CREBBP: variants seen among roughly 807,000 people sequenced by gnomAD.
CREBBP encodes CREB-binding protein.
Under a neutral mutation model 265.0 loss-of-function variants are expected in CREBBP, and 19 were observed. That is an observed-to-expected ratio of 0.07 (90% CI 0.05 to 0.11). The LOEUF (loss-of-function observed/expected upper bound fraction) is 0.11, where lower values mean the gene tolerates loss of function less well. Among genes scored for constraint, CREBBP ranks in the 10% least tolerant of loss-of-function variants. The pLI is 1.00. For missense variants in CREBBP, 2,525 were observed against 3,219.0 expected, an observed-to-expected ratio of 0.78 and a Z score of 5.22; for synonymous variants, 1,457 against 1,223.7, an observed-to-expected ratio of 1.19 and a Z score of -3.98.
At chr16:3,756,000 A>T (rs1235701420) in intron 19 of CREBBP, among the ~76,000 whole-genome samples, 1 of 152,152 alleles carries the variant, frequency 6.6e-6, no homozygotes, top group East Asian at 1.9e-4. Context: ...TTTTGATGGG[A>T]GTTATTACTT....
At position 3,849,442 on chromosome 16, in the gene CREBBP, T is replaced by TGTGTGTGTGTG. The variant is rs2054764284; in HGVS notation, c.798+844_798+854dup. Among the ~76,000 whole-genome samples, 71 of 18,702 alleles carry TGTGTGTGTGTG rather than the reference T, an allele frequency of 3.8e-3. 4 individuals carry two copies. The highest frequency in any genetic ancestry group is 0.013 in the East Asian group (3 of 226). 12.3% of individuals were successfully genotyped at this position (18,702 alleles called of 152,430 possible). On this transcript the variant is annotated intron_variant, in intron 2 of 30. Coordinates refer to ENST00000262367, the MANE Select transcript of CREBBP (RefSeq NM_004380.3). ...GTGTGTGTGTGTGTGTGTGTGTGTGTGTGTGTGTGTGTGTGTGTGTGTGTG... is the reference window on the plus strand; with the variant it reads ...GTGTGTGTGTGTGTGTGTGTGTGTGTGTGTGTGTGTGGTGTGTGTGTGTGTGTGTGTGTGTG...
intron 26 of CREBBP, among the ~76,000 whole-genome samples, chr16:3,737,357 A>T (rs1163652227): frequency 1.3e-5 from 2 of 152,118 alleles, no homozygotes; most frequent in Admixed American, 6.5e-5. Flanking sequence ...CAAAGGATTC[A>T]CAAAAGACAA....
rs2151299146 is a variant in CREBBP at position 3,727,930 on chromosome 16, G to A, written c.7117C>T (p.Pro2373Ser). The change falls in exon 31 of 31, where the codon CCA (proline) becomes TCA (serine). Residue 2373 changes from proline (P) to serine (S), a missense_variant. This residue lies in a region of CREBBP where 473 missense variants were observed against 459.3 expected (regional missense o/e 1.03). Coordinates refer to ENST00000262367, the MANE Select transcript of CREBBP (RefSeq NM_004380.3). Reference sequence around the variant, plus strand: ...CCAGTCTGGGGTGAGACGTGGTGTGGCGAAGGCTGGGGCTGTATCCGTGGT... The same window carrying A: ...CCAGTCTGGGGTGAGACGTGGTGTGACGAAGGCTGGGGCTGTATCCGTGGT... Reference protein sequence around the residue: ...PSPRIQPQPSPHHVSPQTGSP... With the variant: ...PSPRIQPQPSSHHVSPQTGSP... The A allele has an allele frequency of 3.1e-6, 5 of 1,609,842 alleles. No individual in the cohort carries two copies. Among genetic ancestry groups the A allele is most frequent in the Non-Finnish European group, 4.2e-6 (5 of 1,177,148 alleles).
intron 16 of CREBBP, among the ~76,000 whole-genome samples, chr16:3,761,933 T>C (rs1355981189): frequency 6.6e-6 from 1 of 152,244 alleles, no homozygotes; most frequent in Non-Finnish European, 1.5e-5. Flanking sequence ...AGAGGCCAAA[T>C]GTGGCCAGCT....
chr16:3,825,850 G>A (rs1320606015), intron 2 of CREBBP, among the ~76,000 whole-genome samples: 1 of 152,158 alleles, frequency 6.6e-6, no homozygotes, highest in African/African-American at 2.4e-5. Flanking sequence ...AAAATACAAG[G>A]AAGAATTCAT....
At chr16:3,738,984 C>T (rs1458282126) in intron 25 of CREBBP, among the ~76,000 whole-genome samples, 1 of 152,142 alleles carries the variant, frequency 6.6e-6, no homozygotes, top group African/African-American at 2.4e-5. Flanking sequence ...GTCCAGTTAT[C>T]CTCCCACCTC....
rs769426348 is a variant in CREBBP at position 3,729,838 on chromosome 16, T to A, written c.5209A>T (p.Ser1737Cys). ...CACTTCACCATCTTATGGGCATGGC[T>A]CTTCGTGTTATAGCAGTTGATGCAG... Reference protein sequence around the residue: ...DLCINCYNTKSHAHKMVKWGL... With the variant: ...DLCINCYNTKCHAHKMVKWGL... Residue 1737 changes from serine (S) to cysteine (C), a missense_variant, in exon 31 of 31, where the codon AGC (serine) becomes TGC (cysteine). By Grantham distance (112) the Ser-to-Cys change is moderately radical (BLOSUM62 -1). Transcript: ENST00000262367. The A allele has an allele frequency of 1.2e-6, 2 of 1,603,902 alleles. No homozygotes were observed. Among genetic ancestry groups the A allele is most frequent in the South Asian group, 1.1e-5 (1 of 91,082 alleles).
intron 2 of CREBBP, among the ~76,000 whole-genome samples, chr16:3,823,809 C>A (rs1567340999): frequency 6.6e-6 from 1 of 152,160 alleles, no homozygotes; most frequent in Non-Finnish European, 1.5e-5. Context: ...CATGGCAAGG[C>A]ACACTTCTAG....
Position 3,767,778 on chromosome 16 carries a change from C to A in CREBBP, c.3192G>T (p.Glu1064Asp). Reference sequence around the variant, plus strand: ...GAGAGGCTGTGCCGTTACTGCTACTCTCTTCTTCCTCTTTAACTTCTACTT... The same window carrying A: ...GAGAGGCTGTGCCGTTACTGCTACTATCTTCTTCCTCTTTAACTTCTACTT... ...EVKVEVKEEEESSSNGTASQS... is the reference protein window; with the variant it reads ...EVKVEVKEEEDSSSNGTASQS... Residue 1064 changes from glutamate (E) to aspartate (D), a missense_variant, in exon 16 of 31, where the codon GAG (glutamate) becomes GAT (aspartate). Physicochemically the swap from Glu to Asp is conservative, Grantham distance 45 (BLOSUM62 2). This residue lies in a region of CREBBP where 548 missense variants were observed against 533.0 expected (regional missense o/e 1.03). Coordinates refer to ENST00000262367, the MANE Select transcript of CREBBP (RefSeq NM_004380.3). 6.2e-7 allele frequency: 1 copy of A among 1,614,226 alleles called. No individual in the cohort carries two copies. The highest frequency in any genetic ancestry group is 2.2e-5 in the East Asian group (1 of 44,886).
chr16:3,860,856 T>G (rs2055057821), intron 1 of CREBBP, among the ~76,000 whole-genome samples: 3 of 151,974 alleles, frequency 2.0e-5, no homozygotes, highest in Admixed American at 2.0e-4. Flanking sequence ...CTATTACTAA[T>G]TAGACACTAC....
At chr16:3,781,386 G>A in intron 6 of CREBBP, 80 bp from the exon 7 acceptor site, 1 of 1,112,864 alleles carries the variant, frequency 9.0e-7, no homozygotes, top group African/African-American at 1.5e-5. Flanking sequence ...TAACCAACAT[G>A]CCACCATATA....
chr16:3,803,492 G>A (rs750460522), intron 3 of CREBBP, among the ~76,000 whole-genome samples: 1 of 151,962 alleles, frequency 6.6e-6, no homozygotes, highest in African/African-American at 2.4e-5. Context: ...GCGACAGATC[G>A]AGACTCTCTC....
At chr16:3,790,168 T>C (rs1049909978) in intron 5 of CREBBP, among the ~76,000 whole-genome samples, 5 of 152,078 alleles carry the variant, frequency 3.3e-5, no homozygotes, top group African/African-American at 1.2e-4. Context: ...CATCACAATA[T>C]ACTAAAGAAA....
Position 3,850,310 on chromosome 16 carries a change from C to T in CREBBP, c.785G>A (p.Gly262Glu), listed in dbSNP as rs2141489090. 1 of 1,614,220 alleles carries T rather than the reference C, an allele frequency of 6.2e-7. No individual in the cohort carries two copies. The highest frequency in any genetic ancestry group is 1.1e-5 in the South Asian group (1 of 91,086). ...CAGTTCACTTACCTTGGCCATGCCT[C>T]CTGCCTGTGCGGTGTTCAGTCCCGC... ...GHAGLNTAQA[G>E]GMAKMGITGN... Residue 262 changes from glycine (G) to glutamate (E), a missense_variant, in exon 2 of 31, where the codon GGA becomes GAA. Physicochemically the swap from Gly to Glu is moderately conservative, Grantham distance 98 (BLOSUM62 -2). Coordinates refer to ENST00000262367, the MANE Select transcript of CREBBP (RefSeq NM_004380.3).
intron 6 of CREBBP, among the ~76,000 whole-genome samples, chr16:3,782,261 G>A (rs1484451608): frequency 2.0e-5 from 3 of 152,190 alleles, no homozygotes; most frequent in African/African-American, 7.2e-5. Context: ...TCATTAACCT[G>A]CTGAAGTCCA....
intron 2 of CREBBP, among the ~76,000 whole-genome samples, chr16:3,835,404 G>C (rs1301446573): frequency 6.6e-6 from 1 of 151,980 alleles, no homozygotes; most frequent in South Asian, 2.1e-4. Context: ...TATAAAAACA[G>C]GTCATGGGGC....
intron 3 of CREBBP, among the ~76,000 whole-genome samples, chr16:3,805,301 C>T (rs2096640231): frequency 6.6e-6 from 1 of 152,156 alleles, no homozygotes; most frequent in Non-Finnish European, 1.5e-5. Flanking sequence ...TAGTGAGACA[C>T]AATTCATAAT....
chr16:3,872,100 T>C (rs1215316431), intron 1 of CREBBP, among the ~76,000 whole-genome samples: 1 of 152,190 alleles, frequency 6.6e-6, no homozygotes, highest in Non-Finnish European at 1.5e-5. Flanking sequence ...AGGGTAAGTT[T>C]TAAAAGGAAT....
chr16:3,799,135 T>C (rs1049010707), intron 3 of CREBBP, among the ~76,000 whole-genome samples: 33 of 152,144 alleles, frequency 2.2e-4, no homozygotes, highest in African/African-American at 6.5e-4. Context: ...TCCATGGGGG[T>C]AGAAAGACTA....
Sources: allele counts gnomAD v4.1 joint callset (sites outside exome capture counted in the v4.1 genomes callset), GRCh38; gene constraint gnomAD v4.1.1; regional missense constraint gnomAD v4.1.1; transcripts MANE v1.5; gene names NCBI Gene and HGNC (gene_info 2026-07-23, HGNC 2026-07-21).